The following RALGAPA1 variants were observed in gnomAD, a reference collection of about 807,000 sequenced individuals.
RALGAPA1 encodes the protein ral GTPase-activating protein subunit alpha-1.
Under a neutral mutation model 269.6 loss-of-function variants are expected in RALGAPA1, and 52 were observed. The observed-to-expected ratio is 0.19, with a 90% CI of 0.15 to 0.24. The LOEUF (loss-of-function observed/expected upper bound fraction) is 0.24, where lower values mean the gene tolerates loss of function less well. Among genes scored for constraint, RALGAPA1 ranks in the 10% least tolerant of loss-of-function variants. RALGAPA1 has a pLI of 1.00. For missense variants in RALGAPA1, 1,917 were observed against 3,013.9 expected (o/e 0.64, Z 8.52); for synonymous variants, 817 against 1,008.3 (o/e 0.81, Z 3.60).
rs867547466 is a variant in RALGAPA1, at chr14:35,539,472, G to T, written c.*242C>A. 2.9e-5 allele frequency: 42 copies of T among 1,461,836 alleles called. No individual in the cohort carries two copies. Among genetic ancestry groups the T allele is most frequent in the Non-Finnish European group, 3.4e-5 (37 of 1,099,130 alleles). 90.6% of individuals were successfully genotyped at this position (1,461,836 alleles called of 1,614,324 possible). A position where few individuals can be genotyped will look rare whatever the true frequency, so the allele number is the denominator to read the frequency against. On this transcript the variant is annotated 3_prime_UTR_variant, in exon 42 of 42. Coordinates refer to ENST00000680220, the MANE Select transcript of RALGAPA1 (RefSeq NM_001346249.2). ...CATGCATGTTATGGCAGACATGAAG[G>T]CCTGAAAGGGTTAACCCTATGTTCG...
At chr14:35,649,061 T>G (rs890259140) in intron 31 of RALGAPA1, among the ~76,000 whole-genome samples, 5 of 152,256 alleles carry the variant, frequency 3.3e-5, no homozygotes, top group African/African-American at 1.2e-4. Context: ...ACTCATGTAC[T>G]GACAATGCCA....
At chr14:35,698,466 ATCTT>A (rs1227398960) in intron 17 of RALGAPA1, among the ~76,000 whole-genome samples, 1 of 152,280 alleles carries the variant, frequency 6.6e-6, no homozygotes, top group Middle Eastern at 3.4e-3. Flanking sequence ...AAAAAAATAA[ATCTT>A]TCTGACAGTT....
chr14:35,657,961 C>T (rs978402817), intron 28 of RALGAPA1, among the ~76,000 whole-genome samples: 9 of 152,034 alleles, frequency 5.9e-5, no homozygotes, highest in African/African-American at 1.9e-4. Context: ...TAGAACAGTG[C>T]CTAGCAAGCA....
chr14:35,790,433 A>AGCGCGG (rs2076076742), intron 1 of RALGAPA1, among the ~76,000 whole-genome samples: 10 of 152,188 alleles, frequency 6.6e-5, no homozygotes, highest in Admixed American at 2.6e-4. Flanking sequence ...CAGGCCTGTA[A>AGCGCGG]TCCCAGCACT....
chr14:35,710,594 C>A (rs889756119), intron 16 of RALGAPA1, among the ~76,000 whole-genome samples: 4 of 152,092 alleles, frequency 2.6e-5, no homozygotes, highest in Non-Finnish European at 5.9e-5. Context: ...CCTCTTTATT[C>A]TTGATAATTC....
chr14:35,674,147 G>A (rs757578795), intron 24 of RALGAPA1, 33 bp downstream of exon 24: 2 of 1,480,450 alleles, frequency 1.4e-6, no homozygotes, highest in Non-Finnish European at 1.9e-6. Context: ...TAAATGAGAA[G>A]TTTTAAACTA....
intron 16 of RALGAPA1, chr14:35,706,607 G>A (rs1200722472): frequency 7.3e-6 from 1 of 137,724 alleles, no homozygotes; most frequent in African/African-American, 2.8e-5. Flanking sequence ...TGGCTCTTTT[G>A]CCTTTCCTTT....
chr14:35,619,179 C>T (rs2060446246), intron 35 of RALGAPA1, among the ~76,000 whole-genome samples: 1 of 151,506 alleles, frequency 6.6e-6, no homozygotes. Flanking sequence ...ACAAATCTAA[C>T]CAGAAGACTG....
chr14:35,707,334 G>A (rs1055802446), intron 16 of RALGAPA1: 1 of 151,950 alleles, frequency 6.6e-6, no homozygotes, highest in African/African-American at 2.4e-5. Context: ...TCCTTTTCCT[G>A]TCTTACAGGA....
At chr14:35,676,635 A>T (rs1000973112) in intron 22 of RALGAPA1, 1 of 152,232 alleles carries the variant, frequency 6.6e-6, no homozygotes, top group South Asian at 2.1e-4. Flanking sequence ...AATATCATGA[A>T]TATGGCCATT....
intron 1 of RALGAPA1, among the ~76,000 whole-genome samples, chr14:35,794,776 A>G (rs1193510993): frequency 6.6e-6 from 1 of 152,152 alleles, no homozygotes; most frequent in Non-Finnish European, 1.5e-5. Context: ...TTTTTAAGTC[A>G]TTTATTTAAT....
intron 24 of RALGAPA1, 94 bp from the exon 25 acceptor site, chr14:35,673,116 C>A: frequency 8.2e-7 from 1 of 1,218,530 alleles, no homozygotes. Flanking sequence ...TATATAATCT[C>A]ATTTATTTCC....
At position 35,695,244 on chromosome 14, in the gene RALGAPA1, A is replaced by G. The variant is rs558257814; in HGVS notation, c.2407+4918T>C. ...TGAGACCCTATCTCTTAAAAAAAAA[A>G]AATCTAATTGGAATTATGCTATAAT... On this transcript the variant is annotated intron_variant, in intron 17 of 41. Transcript: ENST00000680220. Among the ~76,000 whole-genome samples, 6 of 152,202 alleles carry G rather than the reference A, an allele frequency of 3.9e-5. No homozygotes were observed. In the South Asian group the frequency reaches 1.0e-3, roughly 26 times the overall value.
chr14:35,694,901 AC>A (rs2066777187), intron 17 of RALGAPA1, among the ~76,000 whole-genome samples: 1 of 151,770 alleles, frequency 6.6e-6, no homozygotes, highest in Admixed American at 6.6e-5. Flanking sequence ...ACATGGTGAA[AC>A]CCCATCTCTA....
At chr14:35,709,177 T>C (rs369786074) in intron 16 of RALGAPA1, among the ~76,000 whole-genome samples, 20 of 152,048 alleles carry the variant, frequency 1.3e-4, no homozygotes, top group African/African-American at 4.1e-4. Context: ...AGGGTGACTA[T>C]AGCAAAAAAT....
At chr14:35,783,980 C>T (rs2075629073) in intron 1 of RALGAPA1, among the ~76,000 whole-genome samples, 1 of 151,946 alleles carries the variant, frequency 6.6e-6, no homozygotes, top group Non-Finnish European at 1.5e-5. Context: ...ATGATGAAGC[C>T]ACTCTGGAAA....
At chr14:35,758,243 C>CAAAAA (rs66473514) in intron 6 of RALGAPA1, among the ~76,000 whole-genome samples, 279 of 48,766 alleles carry the variant, frequency 5.7e-3, no homozygotes, top group Middle Eastern at 0.016. Flanking sequence ...GACTCTGTCT[C>CAAAAA]AAAAAAAAAA....
intron 1 of RALGAPA1, among the ~76,000 whole-genome samples, chr14:35,805,779 G>A (rs1476414077): frequency 6.6e-6 from 1 of 150,870 alleles, no homozygotes; most frequent in Non-Finnish European, 1.5e-5. Flanking sequence ...CTGCCTCCCA[G>A]GTTCACGCGA....
At chr14:35,743,221 T>C (rs2141173340) in intron 10 of RALGAPA1, among the ~76,000 whole-genome samples, 1 of 152,216 alleles carries the variant, frequency 6.6e-6, no homozygotes, top group African/African-American at 2.4e-5. Flanking sequence ...CTTAAAGATC[T>C]GCTGTACATT....
Sources: allele counts gnomAD v4.1 joint callset (sites outside exome capture counted in the v4.1 genomes callset), GRCh38; gene constraint gnomAD v4.1.1; transcripts MANE v1.5; gene names NCBI Gene and HGNC (gene_info 2026-07-23, HGNC 2026-07-21).